ZNF609: variants seen among roughly 807,000 people sequenced by gnomAD.
ZNF609 encodes the protein zinc finger protein 609.
Under a neutral mutation model 109.5 loss-of-function variants are expected in ZNF609, and 11 were observed. The ratio of observed to expected loss-of-function variants is 0.10; its 90% CI spans 0.06 to 0.17. The LOEUF (loss-of-function observed/expected upper bound fraction) is 0.17, where lower values mean the gene tolerates loss of function less well. Ranked by LOEUF, ZNF609 falls within the 10% of genes least tolerant of loss-of-function variation. ZNF609 has a pLI of 1.00. For synonymous variants in ZNF609, 646 were observed against 662.0 expected, an observed-to-expected ratio of 0.98 and a Z score of 0.37; for missense variants, 1,559 against 1,772.4, an observed-to-expected ratio of 0.88 and a Z score of 2.16.
At chr15:64,504,782 A>G (rs1893610518) in intron 2 of ZNF609, among the ~76,000 whole-genome samples, 1 of 151,026 alleles carries the variant, frequency 6.6e-6, no homozygotes, top group African/African-American at 2.4e-5. Flanking sequence ...CACCCAGCCT[A>G]TTTGCTTATT....
chr15:64,580,824 C>T (rs1353367492), intron 2 of ZNF609, among the ~76,000 whole-genome samples: 6 of 151,864 alleles, frequency 4.0e-5, no homozygotes, highest in African/African-American at 1.5e-4. Context: ...TGAGCCACCA[C>T]GCCCAGCCTC....
chr15:64,493,289 ACT>A (rs1203018688), intron 1 of ZNF609, among the ~76,000 whole-genome samples: 4 of 149,452 alleles, frequency 2.7e-5, no homozygotes, highest in Non-Finnish European at 6.0e-5. Context: ...TCACATGAAA[ACT>A]CTTTTTCATT....
intron 2 of ZNF609, among the ~76,000 whole-genome samples, chr15:64,612,186 C>G (rs1176870561): frequency 6.8e-6 from 1 of 147,914 alleles, no homozygotes; most frequent in Non-Finnish European, 1.5e-5. Context: ...TCCCCTCTGT[C>G]CCCCAGGCTG....
At chr15:64,671,356 T>C (rs1896728812) in intron 4 of ZNF609, 1 of 151,776 alleles carries the variant, frequency 6.6e-6, no homozygotes, top group Non-Finnish European at 1.5e-5. Flanking sequence ...ATTCGTTAAG[T>C]GTTTTATATT....
intron 2 of ZNF609, among the ~76,000 whole-genome samples, chr15:64,503,243 G>A (rs1229807604): frequency 6.6e-6 from 1 of 152,190 alleles, no homozygotes; most frequent in Admixed American, 6.5e-5. Flanking sequence ...GTTTCCCAGA[G>A]TTCTAGGAGA....
chr15:64,674,962 C>T lies in ZNF609; in HGVS notation c.2108C>T (p.Pro703Leu). 1 of 1,614,096 alleles carries T rather than the reference C, an allele frequency of 6.2e-7. No homozygotes were observed. ...ATGCCCAACAGTCCCCAACTCAAGCCCATTCAGCCCAAGCCCACTGTTATG... is the reference window on the plus strand; with the variant it reads ...ATGCCCAACAGTCCCCAACTCAAGCTCATTCAGCCCAAGCCCACTGTTATG... Reference protein sequence around the residue: ...QAMPNSPQLKPIQPKPTVMGE... With the variant: ...QAMPNSPQLKLIQPKPTVMGE... Residue 703 changes from proline to leucine, a missense_variant, in exon 5 of 10, where the codon CCC becomes CTC. Pro to Leu is a moderately conservative substitution (Grantham distance 98, BLOSUM62 -3). Around this residue, in one of 4 missense-constraint regions of ZNF609, gnomAD observed 1,204 missense variants for 1,314.1 expected, o/e 0.92. Transcript: ENST00000326648.
intron 1 of ZNF609, among the ~76,000 whole-genome samples, chr15:64,489,821 C>T (rs1004815657): frequency 6.6e-6 from 1 of 152,176 alleles, no homozygotes; most frequent in Non-Finnish European, 1.5e-5. Context: ...AGTCACCATG[C>T]CCAGCCACTT....
chr15:64,584,991 A>AAAAAAT (rs1567021599), intron 2 of ZNF609, among the ~76,000 whole-genome samples: 10 of 151,628 alleles, frequency 6.6e-5, no homozygotes, highest in Non-Finnish European at 1.3e-4. Context: ...GAAAAAAAAA[A>AAAAAAT]AGAGGGGGCC....
At chr15:64,653,712 C>T (rs1896449805) in intron 3 of ZNF609, among the ~76,000 whole-genome samples, 1 of 152,114 alleles carries the variant, frequency 6.6e-6, no homozygotes, top group African/African-American at 2.4e-5. Flanking sequence ...AACCCCACTC[C>T]CCCAACCCCT....
intron 3 of ZNF609, among the ~76,000 whole-genome samples, chr15:64,664,997 A>G (rs1176940978): frequency 1.3e-5 from 2 of 152,202 alleles, no homozygotes; most frequent in African/African-American, 4.8e-5. Context: ...TTCTCTATAA[A>G]TGGACTCTGT....
intron 2 of ZNF609, among the ~76,000 whole-genome samples, chr15:64,516,168 C>G (rs2140361113): frequency 6.6e-6 from 1 of 152,134 alleles, no homozygotes; most frequent in African/African-American, 2.4e-5. Flanking sequence ...GTTCTTATTC[C>G]TTAGTCATAT....
chr15:64,490,455 G>T (rs1893398724), intron 1 of ZNF609, among the ~76,000 whole-genome samples: 2 of 152,070 alleles, frequency 1.3e-5, no homozygotes, highest in South Asian at 4.2e-4. Context: ...TGTATTTTTA[G>T]TAGAGACAGG....
intron 2 of ZNF609, among the ~76,000 whole-genome samples, chr15:64,534,372 T>C (rs921285958): frequency 2.0e-5 from 3 of 151,492 alleles, no homozygotes; most frequent in African/African-American, 7.3e-5. Flanking sequence ...AGTGCAGTGG[T>C]GTGATCTGGG....
intron 2 of ZNF609, among the ~76,000 whole-genome samples, chr15:64,516,362 G>T (rs533396929): frequency 3.2e-4 from 48 of 152,116 alleles, no homozygotes; most frequent in Non-Finnish European, 5.4e-4. Flanking sequence ...TAGAGGTGGG[G>T]TTTTTTTGTT....
chr15:64,506,722 A>AG (rs1357699497), intron 2 of ZNF609, among the ~76,000 whole-genome samples: 3 of 40,106 alleles, frequency 7.5e-5, no homozygotes, highest in Non-Finnish European at 2.9e-4. Flanking sequence ...CTCTGTCTCA[A>AG]GAAAAAAAAA....
chr15:64,487,643 T>G (rs1397837247), intron 1 of ZNF609, among the ~76,000 whole-genome samples: 1 of 152,114 alleles, frequency 6.6e-6, no homozygotes, highest in Admixed American at 6.6e-5. Context: ...TGTTTTAATT[T>G]TTTTTTTGAG....
rs760781345 is a variant in ZNF609, at chr15:64,623,065, T to C, written c.973+13T>C. On this transcript the variant is annotated intron_variant, in intron 3 of 9. Coordinates refer to ENST00000326648, the MANE Select transcript of ZNF609 (RefSeq NM_015042.2). The stretch of plus-strand genomic sequence containing the variant: ...GAAACAGAAGATGGTAAGTGTGATA[T>C]GTGGCTTTCCCCTCCCTTCTCAACC... The C allele has an allele frequency of 7.4e-6, 12 of 1,611,920 alleles. No individual in the cohort carries two copies. The highest frequency in any genetic ancestry group is 2.2e-5 in the East Asian group (1 of 44,840).
At position 64,586,771 on chromosome 15, in the gene ZNF609, C is replaced by T. The variant is rs182434233; in HGVS notation, c.748-36056C>T. Among the ~76,000 whole-genome samples, 132 of 152,222 alleles carry T rather than the reference C, an allele frequency of 8.7e-4. 1 individual carries two copies. Among genetic ancestry groups the T allele is most frequent in the African/African-American group, 3.0e-3 (124 of 41,554 alleles). ...AATGATGATTATTACAGTATTGGAA[C>T]AGAGTTAAAGACAGCAAAAATCTTG... On this transcript the variant is annotated intron_variant, in intron 2 of 9. Transcript: ENST00000326648.
At position 64,519,135 on chromosome 15, in the gene ZNF609, GGGGC is replaced by G. The variant is rs199503994; in HGVS notation, c.747+18973_747+18976del. ...GGTGCAGGGCGGGGGGCGGGGGGCG[GGGGC>G]GGGTCAGGGAAAATATCCGTGAAGA... On this transcript the variant is annotated intron_variant, in intron 2 of 9. Transcript: ENST00000326648. Among the ~76,000 whole-genome samples, 1,067 of 138,306 alleles carry G rather than the reference GGGGC, an allele frequency of 7.7e-3. 18 individuals carry two copies. Among genetic ancestry groups the G allele is most frequent in the African/African-American group, 0.027 (1,019 of 38,222 alleles). 90.7% of individuals were successfully genotyped at this position (138,306 alleles called of 152,430 possible).
Sources: gnomAD v4.1 joint callset for allele counts (sites outside exome capture counted in the v4.1 genomes callset) on GRCh38, gnomAD v4.1.1 for gene constraint, gnomAD v4.1.1 regional missense constraint, MANE v1.5 for transcripts, NCBI Gene and HGNC (gene_info 2026-07-23, HGNC 2026-07-21) for gene names.